The following MAPK8 variants were observed in gnomAD, a reference collection of about 807,000 sequenced individuals.
MAPK8 encodes the protein JUN N-terminal kinase.
MAPK8 carries 13 observed loss-of-function variants against 52.9 expected under a neutral mutation model. The observed-to-expected ratio is 0.25, with a 90% CI of 0.16 to 0.39. The LOEUF (loss-of-function observed/expected upper bound fraction) is 0.39, where lower values mean the gene tolerates loss of function less well. Ranked by LOEUF, MAPK8 falls within the 10% of genes least tolerant of loss-of-function variation. MAPK8 has a pLI of 1.00. For synonymous variants in MAPK8, 191 were observed against 169.8 expected (o/e 1.12, Z -0.97); for missense variants, 300 against 519.2 (o/e 0.58, Z 4.10).
At chr10:48,434,753 T>A in intron 11 of MAPK8, 131 bp from the exon 12 acceptor site, 1 of 617,272 alleles carries the variant, frequency 1.6e-6, no homozygotes. Context: ...TGGATATCAT[T>A]TGCGATTATT....
intron 5 of MAPK8, among the ~76,000 whole-genome samples, chr10:48,413,379 A>C (rs2042865635): frequency 6.6e-6 from 1 of 152,170 alleles, no homozygotes; most frequent in African/African-American, 2.4e-5. Flanking sequence ...TTTCCATAGC[A>C]GCTGTACCAT....
At position 48,322,547 on chromosome 10, in the gene MAPK8, G is replaced by T. The variant is rs73293155; in HGVS notation, c.-50+15726G>T. Among the ~76,000 whole-genome samples the T allele has an allele frequency of 3.0e-3, 453 of 152,212 alleles. 4 individuals carry two copies. The highest frequency in any genetic ancestry group is 0.011 in the African/African-American group (441 of 41,516). On this transcript the variant is annotated intron_variant, in intron 1 of 11. Coordinates refer to ENST00000374189, the MANE Select transcript of MAPK8 (RefSeq NM_001323329.2). Reference sequence around the variant, plus strand: ...AAAACTGGGTTCCGGAGTCTACGAAGGCTGGTCTATTTTATGTTTTATTTA... The same window carrying T: ...AAAACTGGGTTCCGGAGTCTACGAATGCTGGTCTATTTTATGTTTTATTTA...
At chr10:48,349,904 A>G (rs950938386) in intron 1 of MAPK8, among the ~76,000 whole-genome samples, 3 of 152,322 alleles carry the variant, frequency 2.0e-5, no homozygotes, top group Admixed American at 6.5e-5. Flanking sequence ...AAAAGAATCA[A>G]ATAGACAAAA....
chr10:48,326,296 A>G (rs1345602893), intron 1 of MAPK8, among the ~76,000 whole-genome samples: 1 of 152,228 alleles, frequency 6.6e-6, no homozygotes, highest in Non-Finnish European at 1.5e-5. Flanking sequence ...AATACTATTA[A>G]TACTTAATTT....
chr10:48,406,186 A>G (rs1337225829), intron 3 of MAPK8, among the ~76,000 whole-genome samples: 1 of 152,186 alleles, frequency 6.6e-6, no homozygotes, highest in Non-Finnish European at 1.5e-5. Flanking sequence ...GAATGACGTA[A>G]AAAAGGTCCA....
chr10:48,365,196 G>A (rs1847917726), intron 1 of MAPK8, among the ~76,000 whole-genome samples: 1 of 152,118 alleles, frequency 6.6e-6, no homozygotes, highest in Non-Finnish European at 1.5e-5. Context: ...AGGAAATATG[G>A]CTGTTTGCCA....
intron 1 of MAPK8, among the ~76,000 whole-genome samples, chr10:48,309,475 C>T (rs1170053035): frequency 6.6e-6 from 1 of 152,220 alleles, no homozygotes. Flanking sequence ...ATCCTTCATA[C>T]TCCTTTAGAT....
chr10:48,385,584 G>T (rs2132785031), intron 1 of MAPK8, among the ~76,000 whole-genome samples: 1 of 152,130 alleles, frequency 6.6e-6, no homozygotes, highest in African/African-American at 2.4e-5. Context: ...TCTGGTCTTT[G>T]TTGTTACTTT....
chr10:48,411,259 T>C (rs2042730991), intron 5 of MAPK8, among the ~76,000 whole-genome samples: 1 of 152,234 alleles, frequency 6.6e-6, no homozygotes, highest in African/African-American at 2.4e-5. Context: ...GTCTCACATG[T>C]AGGTCTTTGA....
At chr10:48,350,937 A>G (rs992813971) in intron 1 of MAPK8, among the ~76,000 whole-genome samples, 2 of 152,226 alleles carry the variant, frequency 1.3e-5, no homozygotes, top group East Asian at 1.9e-4. Flanking sequence ...TACAAAATCA[A>G]TGTGCAAAAA....
chr10:48,363,986 G>C (rs1040686396), intron 1 of MAPK8, among the ~76,000 whole-genome samples: 11 of 152,110 alleles, frequency 7.2e-5, no homozygotes, highest in African/African-American at 2.7e-4. Flanking sequence ...TAATTCAATT[G>C]CCAATAATCT....
chr10:48,387,444 G>A (rs2041380002), intron 1 of MAPK8, among the ~76,000 whole-genome samples: 2 of 152,244 alleles, frequency 1.3e-5, no homozygotes, highest in South Asian at 2.1e-4. Flanking sequence ...AAATATGGAG[G>A]GGAATCATCT....
chr10:48,358,482 G>T (rs541948728), intron 1 of MAPK8, among the ~76,000 whole-genome samples: 4 of 152,256 alleles, frequency 2.6e-5, no homozygotes, highest in South Asian at 4.1e-4. Context: ...TTGTTGAATT[G>T]TAAGAGTTCT....
At chr10:48,433,551 A>C (rs1052639948) in intron 11 of MAPK8, among the ~76,000 whole-genome samples, 1 of 152,018 alleles carries the variant, frequency 6.6e-6, no homozygotes, top group Admixed American at 6.5e-5. Context: ...TTTACCTCTC[A>C]TCTCTCAGGC....
chr10:48,339,223 G>T (rs1844994112), intron 1 of MAPK8, among the ~76,000 whole-genome samples: 1 of 152,008 alleles, frequency 6.6e-6, no homozygotes, highest in Non-Finnish European at 1.5e-5. Context: ...GCACGGAATT[G>T]GTACAAAGAT....
At chr10:48,331,557 C>T (rs2132254291) in intron 1 of MAPK8, among the ~76,000 whole-genome samples, 1 of 152,306 alleles carries the variant, frequency 6.6e-6, no homozygotes, top group Non-Finnish European at 1.5e-5. Flanking sequence ...CCCTGTTCAG[C>T]TGTTTGCACA....
chr10:48,397,789 C>T (rs1199171527), intron 1 of MAPK8, among the ~76,000 whole-genome samples: 1 of 152,062 alleles, frequency 6.6e-6, no homozygotes, highest in Non-Finnish European at 1.5e-5. Flanking sequence ...CAGGGTTTCA[C>T]CGTGTTAGCC....
At chr10:48,391,424 A>G (rs919821651) in intron 1 of MAPK8, among the ~76,000 whole-genome samples, 1 of 152,158 alleles carries the variant, frequency 6.6e-6, no homozygotes, top group South Asian at 2.1e-4. Flanking sequence ...TCCTTCTCAC[A>G]CATACTCTTG....
intron 5 of MAPK8, among the ~76,000 whole-genome samples, chr10:48,415,414 A>G (rs77753452): frequency 0.019 from 2,861 of 152,304 alleles, 89 homozygotes; most frequent in African/African-American, 0.065. Context: ...AAAACAATGG[A>G]AACAACAAGA....
Sources: gnomAD v4.1 joint callset for allele counts (sites outside exome capture counted in the v4.1 genomes callset) on GRCh38, gnomAD v4.1.1 for gene constraint, MANE v1.5 for transcripts, NCBI Gene and HGNC (gene_info 2026-07-23, HGNC 2026-07-21) for gene names.